Variants in TIPIN observed in about 807,000 individuals in gnomAD.
TIPIN encodes the protein TIMELESS-interacting protein.
A neutral mutation model predicts 35.6 loss-of-function variants in TIPIN; 29 were observed. That is an observed-to-expected ratio of 0.82 (90% CI 0.61 to 1.11). The LOEUF is 1.11. Among genes scored for constraint, TIPIN ranks in the 50% most tolerant of loss-of-function variants. TIPIN has a pLI of 0.00. For synonymous variants in TIPIN, 102 were observed against 121.5 expected, an observed-to-expected ratio of 0.84 and a Z score of 1.06; for missense variants, 296 against 345.4, an observed-to-expected ratio of 0.86 and a Z score of 1.13.
rs1823809679 is a variant in TIPIN, at chr15:66,382,875, T to C, written c.-9+3732A>G. ...TACACATATAGTTCAGTCTTATTCT[T>C]GTCTGTATGGTCAGCACTTATGTTA... On this transcript the variant is annotated intron_variant, in intron 1 of 7. Transcript: ENST00000562124. 3 of 834,770 alleles carry C rather than the reference T, an allele frequency of 3.6e-6. No individual in the cohort carries two copies. In the South Asian group the frequency reaches 1.7e-4, roughly 46 times the overall value. The allele number at this position is 834,770 out of a possible 1,614,324, so 51.7% of individuals were successfully genotyped here.
chr15:66,364,069 C>G (rs1185368926), intron 1 of TIPIN, among the ~76,000 whole-genome samples: 1 of 151,890 alleles, frequency 6.6e-6, no homozygotes, highest in Non-Finnish European at 1.5e-5. Context: ...AGGCCCCCAT[C>G]CAGCACTAGG....
At chr15:66,379,756 CT>C (rs1182128643) in intron 1 of TIPIN, 60 of 1,596,988 alleles carry the variant, frequency 3.8e-5, no homozygotes, top group Non-Finnish European at 3.6e-5. Context: ...ACCAGAGCCT[CT>C]TTTTTTTTCT....
Position 66,349,992 on chromosome 15 carries a change from C to T in TIPIN, c.289-555G>A, listed in dbSNP as rs527724955. On this transcript the variant is annotated intron_variant, in intron 4 of 7. Coordinates refer to ENST00000261881, the MANE Select transcript of TIPIN (RefSeq NM_017858.3). ...TTTTGGTTTTTTTCAGAGAGATTCT[C>T]GCTTTCTTACCCAAGCTGAAGTGCA... is the stretch of plus-strand genomic sequence containing the variant. 7.9e-5 allele frequency among the ~76,000 whole-genome samples: 12 copies of T among 151,900 alleles called. No homozygotes were observed. In the South Asian group the frequency reaches 8.3e-4, roughly 11 times the overall value.
upstream of TIPIN, among the ~76,000 whole-genome samples, chr15:66,361,572 A>C (rs11630866): frequency 7.3e-5 from 11 of 151,148 alleles, no homozygotes; most frequent in Non-Finnish European, 1.5e-4. Context: ...TAAAAAAAAA[A>C]AAAAAAACAG....
chr15:66,376,407 T>C (rs2093296889), intron 1 of TIPIN, among the ~76,000 whole-genome samples: 1 of 152,078 alleles, frequency 6.6e-6, no homozygotes. Context: ...TTTTGGTATA[T>C]ATGTCTAATA....
intron 1 of TIPIN, among the ~76,000 whole-genome samples, chr15:66,378,183 A>G (rs1410978396): frequency 6.6e-6 from 1 of 152,124 alleles, no homozygotes; most frequent in Admixed American, 6.5e-5. Flanking sequence ...TTGTATTTTT[A>G]GTAGAGACAG....
chr15:66,379,223 A>C, intron 1 of TIPIN: 1 of 1,357,554 alleles, frequency 7.4e-7, no homozygotes, highest in Non-Finnish European at 9.8e-7. Context: ...GAATTTATTT[A>C]GCTATTTACT....
At chr15:66,348,110 G>A (rs927043319) in intron 6 of TIPIN, among the ~76,000 whole-genome samples, 3 of 148,474 alleles carry the variant, frequency 2.0e-5, no homozygotes, top group Non-Finnish European at 4.4e-5. Flanking sequence ...CTGGGCTCAA[G>A]TGATCCTCCC....
upstream of TIPIN, among the ~76,000 whole-genome samples, chr15:66,360,019 T>C (rs934555004): frequency 6.6e-6 from 1 of 152,150 alleles, no homozygotes; most frequent in African/African-American, 2.4e-5. Flanking sequence ...GTGATCTTCC[T>C]AACTAGGCCT....
rs564026923 is a variant in TIPIN at position 66,379,455 on chromosome 15, A to G, written c.-9+7152T>C. On this transcript the variant is annotated intron_variant, in intron 1 of 7. Transcript: ENST00000562124. The stretch of plus-strand genomic sequence containing the variant: ...CTGAATCAAAGCCGCTGAATTTGAA[A>G]CAAGCTCAATGTCATTTCCTTCAAA... 8.7e-5 allele frequency: 140 copies of G among 1,606,558 alleles called. 2 individuals are homozygous for G. The South Asian group carries it at 1.5e-3, about 18-fold the overall frequency.
chr15:66,344,165 A>G (rs922639827), intron 6 of TIPIN, among the ~76,000 whole-genome samples: 2 of 152,064 alleles, frequency 1.3e-5, no homozygotes, highest in African/African-American at 4.8e-5. Flanking sequence ...TGGTATGATC[A>G]TAGCTCACTC....
intron 1 of TIPIN, among the ~76,000 whole-genome samples, chr15:66,353,647 CCTA>C (rs968316974): frequency 2.6e-5 from 4 of 151,490 alleles, no homozygotes; most frequent in African/African-American, 9.7e-5. Flanking sequence ...TTTATATACA[CCTA>C]CTACGTGCCC....
intron 7 of TIPIN, among the ~76,000 whole-genome samples, chr15:66,340,343 A>C (rs1377715972): frequency 6.6e-6 from 1 of 150,392 alleles, no homozygotes; most frequent in African/African-American, 2.5e-5. Context: ...ATGCACAGTT[A>C]ATTTTTGTAT....
At position 66,352,801 on chromosome 15, in the gene TIPIN, C is replaced by T. The variant is rs1566977210; in HGVS notation, c.133+14G>A. ...TGGCCTCACAGCCTCCTTTTTAAAA[C>T]TCTCTATACATACCTTCATCAGGCT... is the stretch of plus-strand genomic sequence containing the variant. On this transcript the variant is annotated intron_variant, in intron 2 of 7. Coordinates refer to ENST00000261881, the MANE Select transcript of TIPIN (RefSeq NM_017858.3). The T allele has an allele frequency of 1.3e-6, 2 of 1,597,406 alleles. No individual in the cohort carries two copies. The highest frequency in any genetic ancestry group is 1.8e-5 in the Admixed American group (1 of 56,390).
rs2093178459 is a variant in TIPIN, at chr15:66,352,928, T to C, written c.20A>G (p.Asn7Ser). The change falls in exon 2 of 8, where the codon AAT becomes AGT. Residue 7 changes from asparagine (N) to serine (S), a missense_variant. Coordinates refer to ENST00000261881, the MANE Select transcript of TIPIN (RefSeq NM_017858.3). The part of the protein sequence containing the change: MLEPQE[N>S]GVIDLPDYEH... Reference sequence around the variant, plus strand: ...ATAATCTGGTAGGTCAATCACGCCATTCTCCTGTGGTTCTAGCATCTTTTC... The same window carrying C: ...ATAATCTGGTAGGTCAATCACGCCACTCTCCTGTGGTTCTAGCATCTTTTC... 6.2e-7 allele frequency: 1 copy of C among 1,613,614 alleles called. No individual in the cohort carries two copies. The highest frequency in any genetic ancestry group is 8.5e-7 in the Non-Finnish European group (1 of 1,179,910).
intron 1 of TIPIN, among the ~76,000 whole-genome samples, chr15:66,385,412 T>A (rs535082860): frequency 6.6e-6 from 1 of 152,306 alleles, no homozygotes; most frequent in South Asian, 2.1e-4. Context: ...CACTTTTAAA[T>A]GGGTATTGTG....
rs188888171 is a variant in TIPIN at position 66,344,527 on chromosome 15, G to A, written c.476-3171C>T. On this transcript the variant is annotated intron_variant, in intron 6 of 7. Coordinates refer to ENST00000261881, the MANE Select transcript of TIPIN (RefSeq NM_017858.3). ...TTTATATAAACAATATATTTTGTAA[G>A]CAGCAGCTGGTTCCTTTGAGTAGGA... 3.7e-3 allele frequency among the ~76,000 whole-genome samples: 568 copies of A among 152,030 alleles called. 7 individuals are homozygous for A. The highest frequency in any genetic ancestry group is 0.013 in the African/African-American group (558 of 41,472).
At chr15:66,352,662 T>A (rs1272772392) in intron 2 of TIPIN, among the ~76,000 whole-genome samples, 153 bp downstream of exon 2, 1 of 152,112 alleles carries the variant, frequency 6.6e-6, no homozygotes, top group African/African-American at 2.4e-5. Flanking sequence ...TTTGTATTTT[T>A]AGTAGAGACG....
Position 66,339,150 on chromosome 15 carries a change from AAAAAAAAG to A in TIPIN, c.683-1977_683-1970del, listed in dbSNP as rs1452021229. On this transcript the variant is annotated intron_variant, in intron 7 of 7. Coordinates refer to ENST00000261881, the MANE Select transcript of TIPIN (RefSeq NM_017858.3). ...CCATCTCAAAAAAAAAAAAAAAAAA[AAAAAAAAG>A]CAAAAAGAAAAAGTAAATTCATCTT... Among the ~76,000 whole-genome samples the A allele has an allele frequency of 6.2e-4, 34 of 54,410 alleles. 3 individuals carry two copies. The highest frequency in any genetic ancestry group is 2.7e-3 in the African/African-American group (26 of 9,482). The allele number at this position is 54,410 out of a possible 152,430, so 35.7% of individuals were successfully genotyped here. A position where few individuals can be genotyped will look rare whatever the true frequency, so the allele number is the denominator to read the frequency against.
Sources: gnomAD v4.1 joint callset for allele counts (sites outside exome capture counted in the v4.1 genomes callset) on GRCh38, gnomAD v4.1.1 for gene constraint, MANE v1.5 for transcripts, NCBI Gene and HGNC (gene_info 2026-07-23, HGNC 2026-07-21) for gene names.